The following MAD1L1 variants were observed in gnomAD, a reference collection of about 807,000 sequenced individuals.
MAD1L1 encodes the protein mitotic spindle assembly checkpoint protein MAD1.
A neutral mutation model predicts 96.9 loss-of-function variants in MAD1L1; 95 were observed. The observed-to-expected ratio is 0.98, with a 90% CI of 0.83 to 1.16. The LOEUF is 1.16. MAD1L1 is among the 50% of genes most tolerant of loss of function. The pLI, the probability that MAD1L1 is intolerant of heterozygous loss-of-function variation, is 0.00. For synonymous variants in MAD1L1, 473 were observed against 396.6 expected (o/e 1.19, Z -2.29); for missense variants, 1,007 against 954.4 (o/e 1.06, Z -0.73).
rs185565375 is a variant in MAD1L1, at chr7:2,086,711, C to T, written c.1074-17373G>A. On this transcript the variant is annotated intron_variant, in intron 11 of 18. Coordinates refer to ENST00000265854, the MANE Select transcript of MAD1L1 (RefSeq NM_001013836.2). ...GGATTACAGTTGCCTGCCACCACAC[C>T]CAGCTAATTTTTTTTGTATTTTCAG... Among the ~76,000 whole-genome samples, 63 of 152,296 alleles carry T rather than the reference C, an allele frequency of 4.1e-4. No individual in the cohort carries two copies. The East Asian group carries it at 8.9e-3, about 21-fold the overall frequency.
At chr7:2,226,448 G>A (rs1425531154) in intron 3 of MAD1L1, among the ~76,000 whole-genome samples, 1 of 151,818 alleles carries the variant, frequency 6.6e-6, no homozygotes, top group Non-Finnish European at 1.5e-5. Context: ...GGTGAGCTGA[G>A]CTCCTGGGGG....
intron 18 of MAD1L1, chr7:1,854,428 T>C: frequency 2.2e-6 from 1 of 455,466 alleles, no homozygotes; most frequent in South Asian, 1.6e-5. Context: ...CAGAGTTCAC[T>C]TCTCACAGGC....
At chr7:2,207,432 G>T (rs1792657194) in intron 10 of MAD1L1, among the ~76,000 whole-genome samples, 1 of 152,168 alleles carries the variant, frequency 6.6e-6, no homozygotes, top group Non-Finnish European at 1.5e-5. Flanking sequence ...AACCTCCTAG[G>T]AGGGGAGAGG....
intron 11 of MAD1L1, among the ~76,000 whole-genome samples, chr7:2,116,295 G>A (rs1248537246): frequency 6.6e-6 from 1 of 152,168 alleles, no homozygotes; most frequent in East Asian, 1.9e-4. Flanking sequence ...CCGGGAGGAC[G>A]AACAAGACTC....
At chr7:1,941,744 G>A (rs752876546) in intron 16 of MAD1L1, among the ~76,000 whole-genome samples, 1 of 152,214 alleles carries the variant, frequency 6.6e-6, no homozygotes, top group Non-Finnish European at 1.5e-5. Context: ...AGCATTCACT[G>A]GGCACCTGCG....
chr7:2,153,319 C>A (rs1789671714), intron 10 of MAD1L1, among the ~76,000 whole-genome samples: 1 of 152,012 alleles, frequency 6.6e-6, no homozygotes, highest in Non-Finnish European at 1.5e-5. Context: ...AAATACAACT[C>A]AAAAGAAACT....
chr7:2,099,744 G>C (rs1342070367), intron 11 of MAD1L1, among the ~76,000 whole-genome samples: 1 of 152,250 alleles, frequency 6.6e-6, no homozygotes, highest in Non-Finnish European at 1.5e-5. Context: ...GTGGCTTCCT[G>C]TGAACAGTCC....
At position 1,866,988 on chromosome 7, in the gene MAD1L1, G is replaced by C. The variant is rs1289266711; in HGVS notation, c.1998+31212C>G. On this transcript the variant is annotated intron_variant, in intron 18 of 18. Transcript: ENST00000265854. ...CAGCTCGGAGGTAGGGGAGGTAGTG[G>C]GCAGCACTCACTACAGGGCCCGCTG... Among the ~76,000 whole-genome samples the C allele has an allele frequency of 2.0e-5, 3 of 152,322 alleles. No individual in the cohort carries two copies. In the East Asian group the frequency reaches 5.8e-4, roughly 29 times the overall value.
chr7:2,165,760 G>A (rs1790397712), intron 10 of MAD1L1, among the ~76,000 whole-genome samples: 1 of 152,158 alleles, frequency 6.6e-6, no homozygotes, highest in Non-Finnish European at 1.5e-5. Context: ...AAAGACTGAC[G>A]GGCAAGGTGG....
At chr7:1,905,792 G>A (rs10807761) in intron 17 of MAD1L1, among the ~76,000 whole-genome samples, 45,641 of 152,060 alleles carry the variant, frequency 0.3, 8,184 homozygotes, top group East Asian at 0.44. Context: ...GCTCACACCT[G>A]TAATCCCAGC....
chr7:2,049,554 C>T (rs1018221133), intron 12 of MAD1L1, among the ~76,000 whole-genome samples: 1 of 152,238 alleles, frequency 6.6e-6, no homozygotes, highest in East Asian at 1.9e-4. Context: ...GAAGGACTCA[C>T]CTAGTCCGCC....
At chr7:2,066,026 A>C (rs1298220425) in intron 12 of MAD1L1, among the ~76,000 whole-genome samples, 1 of 152,232 alleles carries the variant, frequency 6.6e-6, no homozygotes, top group Admixed American at 6.5e-5. Context: ...ACTGCTTAAA[A>C]TAGTCATGAT....
chr7:1,912,509 T>A (rs1403999582), intron 17 of MAD1L1, among the ~76,000 whole-genome samples: 1 of 152,072 alleles, frequency 6.6e-6, no homozygotes. Flanking sequence ...GGGGTGCCCA[T>A]CCTCTCACGG....
intron 18 of MAD1L1, chr7:1,854,411 T>A: frequency 2.2e-6 from 1 of 459,722 alleles, no homozygotes; most frequent in South Asian, 1.5e-5. Context: ...ACTAGGTGGC[T>A]CGTAAACAGA....
At chr7:1,893,280 TGGG>T (rs879822042) in intron 18 of MAD1L1, among the ~76,000 whole-genome samples, 23,034 of 152,038 alleles carry the variant, frequency 0.15, 2,186 homozygotes, top group South Asian at 0.28. Context: ...CTGGCTGGGA[TGGG>T]AAGTCCTGGC....
intron 11 of MAD1L1, among the ~76,000 whole-genome samples, chr7:2,106,645 G>GT (rs1787116305): frequency 6.6e-6 from 1 of 152,208 alleles, no homozygotes; most frequent in African/African-American, 2.4e-5. Flanking sequence ...AGCATAGCCC[G>GT]TCACACTCTC....
At chr7:1,941,092 C>T (rs1213894712) in intron 16 of MAD1L1, among the ~76,000 whole-genome samples, 2 of 139,436 alleles carry the variant, frequency 1.4e-5, no homozygotes, top group African/African-American at 2.7e-5. Context: ...GGCTGCCCAG[C>T]AAGGCCTCGC....
intron 10 of MAD1L1, 45 bp downstream of exon 10, chr7:2,213,167 C>A: frequency 6.2e-7 from 1 of 1,600,468 alleles, no homozygotes; most frequent in African/African-American, 1.3e-5. Context: ...TCACCCAGGA[C>A]CCTTCAAAGA....
At chr7:2,131,621 G>A (rs1193388578) in intron 11 of MAD1L1, among the ~76,000 whole-genome samples, 1 of 152,190 alleles carries the variant, frequency 6.6e-6, no homozygotes, top group Admixed American at 6.5e-5. Flanking sequence ...AAATGTGCTG[G>A]AACATTCGTG....
Sources: allele counts gnomAD v4.1 joint callset (sites outside exome capture counted in the v4.1 genomes callset), GRCh38; gene constraint gnomAD v4.1.1; transcripts MANE v1.5; gene names NCBI Gene and HGNC (gene_info 2026-07-23, HGNC 2026-07-21).